The following BICRAL variants were observed in gnomAD, a reference collection of about 807,000 sequenced individuals.
The protein encoded by BICRAL is BICRA like chromatin remodeling complex associated protein.
Under a neutral mutation model 91.8 loss-of-function variants are expected in BICRAL, and 8 were observed. The observed-to-expected ratio is 0.09, with a 90% CI of 0.05 to 0.16. The LOEUF is 0.16. Ranked by LOEUF, BICRAL falls within the 10% of genes least tolerant of loss-of-function variation. BICRAL has a pLI of 1.00. For missense variants in BICRAL, 1,038 were observed against 1,310.9 expected (o/e 0.79, Z 3.21); for synonymous variants, 445 against 491.1 (o/e 0.91, Z 1.24).
intron 5 of BICRAL, among the ~76,000 whole-genome samples, 167 bp from the exon 6 acceptor site, chr6:42,828,326 G>C (rs868275602): frequency 1.3e-5 from 2 of 151,456 alleles, no homozygotes; most frequent in Non-Finnish European, 2.9e-5. Context: ...GCGTGAACCC[G>C]GGAGGCGGAG....
At chr6:42,852,351 T>C in intron 7 of BICRAL, 154 bp downstream of exon 7, 2 of 707,230 alleles carry the variant, frequency 2.8e-6, no homozygotes, top group Non-Finnish European at 5.2e-6. Flanking sequence ...AATAATATAC[T>C]GTGTTGCATC....
chr6:42,779,465 C>T (rs929305590), upstream of BICRAL, among the ~76,000 whole-genome samples: 5 of 152,068 alleles, frequency 3.3e-5, no homozygotes, highest in Non-Finnish European at 2.9e-5. Context: ...TTGGTCCAAC[C>T]ATCAGGTGTA....
intron 1 of BICRAL, among the ~76,000 whole-genome samples, chr6:42,765,761 T>A (rs548520651): frequency 3.2e-4 from 49 of 152,274 alleles, no homozygotes; most frequent in Admixed American, 3.1e-3. Flanking sequence ...TTGGTAGCTC[T>A]ACAGGCTGTC....
chr6:42,865,192 G>A lies in BICRAL; in HGVS notation c.2986G>A (p.Glu996Lys), dbSNP rs143401966. 3.2e-5 allele frequency: 51 copies of A among 1,613,942 alleles called. 2 individuals carry two copies. Among genetic ancestry groups the A allele is most frequent in the South Asian group, 1.3e-4 (12 of 91,070 alleles). ...CACAGACATCATGAAAGGGTCAGGC[G>A]AACCCCAGCCAGATCTCCAGCTGAC... Reference protein sequence around the residue: ...LHTDIMKGSGEPQPDLQLTKS... With the variant: ...LHTDIMKGSGKPQPDLQLTKS... The change falls in exon 13 of 13, where the codon GAA becomes AAA. Residue 996 changes from glutamate to lysine, a missense_variant. Transcript: ENST00000314073.
chr6:42,839,893 C>G (rs1338266179), intron 6 of BICRAL, among the ~76,000 whole-genome samples: 1 of 152,150 alleles, frequency 6.6e-6, no homozygotes, highest in Non-Finnish European at 1.5e-5. Context: ...TACCTTGCCT[C>G]AAACCTGGAA....
At chr6:42,782,347 G>A (rs1318826997) in intron 1 of BICRAL, among the ~76,000 whole-genome samples, 1 of 145,804 alleles carries the variant, frequency 6.9e-6, no homozygotes, top group Non-Finnish European at 1.5e-5. Context: ...TTTTTTTGGG[G>A]GGGGGTGGGT....
At chr6:42,759,853 C>T (rs974215721) in intron 1 of BICRAL, among the ~76,000 whole-genome samples, 13 of 152,158 alleles carry the variant, frequency 8.5e-5, no homozygotes, top group Non-Finnish European at 1.6e-4. Context: ...ATCTCTTCTG[C>T]AGCTTGAGCT....
chr6:42,819,034 T>G (rs1764069356), intron 2 of BICRAL, among the ~76,000 whole-genome samples: 1 of 152,174 alleles, frequency 6.6e-6, no homozygotes, highest in African/African-American at 2.4e-5. Flanking sequence ...GAAGACGTCT[T>G]GCTCATGTCT....
chr6:42,751,386 T>C (rs1166464010), intron 1 of BICRAL, among the ~76,000 whole-genome samples: 1 of 152,206 alleles, frequency 6.6e-6, no homozygotes, highest in Non-Finnish European at 1.5e-5. Flanking sequence ...ATTTTGCTGG[T>C]TGCATCTCTA....
At chr6:42,766,896 C>T (rs186788500) in intron 1 of BICRAL, among the ~76,000 whole-genome samples, 1 of 152,128 alleles carries the variant, frequency 6.6e-6, no homozygotes, top group East Asian at 1.9e-4. Flanking sequence ...AAAAATTAGC[C>T]GGGCGTGGTG....
At chr6:42,815,342 A>G (rs1379271517) in intron 2 of BICRAL, among the ~76,000 whole-genome samples, 1 of 151,070 alleles carries the variant, frequency 6.6e-6, no homozygotes, top group East Asian at 2.0e-4. Flanking sequence ...GGCATCCACC[A>G]CCACATACAG....
intron 5 of BICRAL, among the ~76,000 whole-genome samples, chr6:42,826,349 C>T (rs1764302085): frequency 6.6e-6 from 1 of 151,530 alleles, no homozygotes; most frequent in Non-Finnish European, 1.5e-5. Flanking sequence ...ATTCTCCTGC[C>T]TCAGTCTCCT....
intron 6 of BICRAL, among the ~76,000 whole-genome samples, chr6:42,847,729 C>A (rs1765057213): frequency 6.6e-6 from 1 of 152,116 alleles, no homozygotes; most frequent in Admixed American, 6.5e-5. Context: ...TCGAGACCAT[C>A]CTGACCAACA....
At chr6:42,835,221 C>T (rs766748279) in intron 6 of BICRAL, among the ~76,000 whole-genome samples, 12 of 152,182 alleles carry the variant, frequency 7.9e-5, no homozygotes, top group African/African-American at 1.2e-4. Flanking sequence ...CTCTGCCTCC[C>T]GGGTTCAAGC....
chr6:42,854,596 A>T (rs933172190), intron 8 of BICRAL, among the ~76,000 whole-genome samples: 5 of 152,014 alleles, frequency 3.3e-5, no homozygotes, highest in African/African-American at 1.2e-4. Context: ...CAGCTCACTG[A>T]AGCCTCGATC....
chr6:42,853,482 T>G (rs1464211916), intron 7 of BICRAL, among the ~76,000 whole-genome samples, 156 bp from the exon 8 acceptor site: 3 of 152,184 alleles, frequency 2.0e-5, no homozygotes. Flanking sequence ...TGTAAGTAAA[T>G]GCACTACCCT....
chr6:42,748,289 AAAC>A (rs1472246014), intron 1 of BICRAL, among the ~76,000 whole-genome samples: 1 of 152,132 alleles, frequency 6.6e-6, no homozygotes, highest in African/African-American at 2.4e-5. Context: ...TTCTAGAAAA[AAAC>A]AACCTGACCT....
chr6:42,821,494 G>A (rs1167782867), intron 2 of BICRAL, among the ~76,000 whole-genome samples: 5 of 152,284 alleles, frequency 3.3e-5, no homozygotes, highest in Admixed American at 6.5e-5. Flanking sequence ...GACTGCCTGC[G>A]GCTAGGGTGC....
chr6:42,830,914 T>TTTC lies in BICRAL; in HGVS notation c.1839+745_1839+747dup, dbSNP rs370579204. Among the ~76,000 whole-genome samples, 1,068 of 152,292 alleles carry TTTC rather than the reference T, an allele frequency of 7.0e-3. 6 individuals carry two copies. Among genetic ancestry groups the TTTC allele is most frequent in the African/African-American group, 0.023 (941 of 41,560 alleles). On this transcript the variant is annotated intron_variant, in intron 6 of 12. Coordinates refer to ENST00000314073, the MANE Select transcript of BICRAL (RefSeq NM_001393499.1). ...TTACAGGCCACCACACCCGACCTTTTTTCTTAAAATTTTTTATCCAGTGTA... is the reference window on the plus strand; with the variant it reads ...TTACAGGCCACCACACCCGACCTTTTTTCTTCTTAAAATTTTTTATCCAGTGTA...
Sources: allele counts gnomAD v4.1 joint callset (sites outside exome capture counted in the v4.1 genomes callset), GRCh38; gene constraint gnomAD v4.1.1; transcripts MANE v1.5; gene names NCBI Gene and HGNC (gene_info 2026-07-23, HGNC 2026-07-21).